The following SLC35F4 variants were observed in gnomAD, a reference collection of about 807,000 sequenced individuals.
SLC35F4 encodes chromosome 14 open reading frame 36.
A neutral mutation model predicts 44.2 loss-of-function variants in SLC35F4; 24 were observed. The observed-to-expected ratio is 0.54, with a 90% confidence interval of 0.39 to 0.76. The LOEUF (loss-of-function observed/expected upper bound fraction) is 0.76, where lower values mean the gene tolerates loss of function less well. SLC35F4 is among the 30% of genes least tolerant of loss of function. SLC35F4 has a pLI of 0.00. For synonymous variants in SLC35F4, 238 were observed against 223.6 expected, an observed-to-expected ratio of 1.06 and a Z score of -0.57; for missense variants, 562 against 586.1, an observed-to-expected ratio of 0.96 and a Z score of 0.42.
chr14:57,861,015 T>G (rs185924312), intron 1 of SLC35F4, among the ~76,000 whole-genome samples: 64 of 152,348 alleles, frequency 4.2e-4, no homozygotes, highest in African/African-American at 1.4e-3. Context: ...GCCTTTACTG[T>G]GTTAATGAAT....
At chr14:57,773,836 G>A (rs981681417) in intron 1 of SLC35F4, among the ~76,000 whole-genome samples, 35 of 152,222 alleles carry the variant, frequency 2.3e-4, no homozygotes, top group African/African-American at 8.2e-4. Flanking sequence ...ACTAACTCTA[G>A]GCCCTGAGAA....
At chr14:57,679,197 A>G (rs768580843) in intron 1 of SLC35F4, among the ~76,000 whole-genome samples, 1 of 152,154 alleles carries the variant, frequency 6.6e-6, no homozygotes, top group Non-Finnish European at 1.5e-5. Context: ...CTGCAATCAA[A>G]TTAGAACTCA....
At chr14:57,571,406 A>G (rs1160984282) in intron 5 of SLC35F4, among the ~76,000 whole-genome samples, 1 of 152,230 alleles carries the variant, frequency 6.6e-6, no homozygotes, top group East Asian at 1.9e-4. Flanking sequence ...TGGGGTTAAT[A>G]TGTGCCAAAC....
Position 57,602,991 on chromosome 14 carries a change from T to C in SLC35F4, c.104-8867A>G, listed in dbSNP as rs2070920823. 5.3e-5 allele frequency among the ~76,000 whole-genome samples: 8 copies of C among 152,220 alleles called. No homozygotes were observed. The South Asian group carries it at 1.7e-3, about 31-fold the overall frequency. ...TCCTAATTCCAGCTACCTCTTACCT[T>C]GTCCAGACCTAGAATCTGTCTACTC... On this transcript the variant is annotated intron_variant, in intron 1 of 7. Coordinates refer to ENST00000556826, the MANE Select transcript of SLC35F4 (RefSeq NM_001306087.2).
intron 1 of SLC35F4, among the ~76,000 whole-genome samples, chr14:57,895,150 G>A (rs1888845816): frequency 6.6e-6 from 1 of 152,072 alleles, no homozygotes; most frequent in African/African-American, 2.4e-5. Flanking sequence ...CAGCACTCAG[G>A]ATCTCGTTCT....
chr14:57,582,326 G>T (rs1259891206), intron 3 of SLC35F4, among the ~76,000 whole-genome samples: 1 of 152,116 alleles, frequency 6.6e-6, no homozygotes, highest in East Asian at 1.9e-4. Context: ...CTCCTGAGTA[G>T]CTGGGACTAC....
Position 57,697,581 on chromosome 14 carries a change from G to T in SLC35F4, c.104-103457C>A, listed in dbSNP as rs535571555. Among the ~76,000 whole-genome samples, 32 of 151,982 alleles carry T rather than the reference G, an allele frequency of 2.1e-4. 1 individual carries two copies. The South Asian group carries it at 6.6e-3, about 32-fold the overall frequency. On this transcript the variant is annotated intron_variant, in intron 1 of 7. Coordinates refer to ENST00000556826, the MANE Select transcript of SLC35F4 (RefSeq NM_001306087.2). ...CCAAGCATGGTGACATGCATCTCTA[G>T]TCCCAGCTACTTGGAAGGCTGAGGC...
At chr14:57,847,624 T>C (rs972831608) in intron 1 of SLC35F4, among the ~76,000 whole-genome samples, 1 of 152,188 alleles carries the variant, frequency 6.6e-6, no homozygotes, top group African/African-American at 2.4e-5. Flanking sequence ...TTTATTACAA[T>C]ATAACATACA....
chr14:57,575,512 AACTC>A (rs1876439531), intron 4 of SLC35F4, among the ~76,000 whole-genome samples: 2 of 152,116 alleles, frequency 1.3e-5, no homozygotes, highest in Admixed American at 1.3e-4. Context: ...GGAAAAAAAA[AACTC>A]ACCATTACCA....
At chr14:57,820,312 G>A (rs573098596) in intron 1 of SLC35F4, among the ~76,000 whole-genome samples, 61 of 152,184 alleles carry the variant, frequency 4.0e-4, no homozygotes, top group African/African-American at 1.3e-3. Flanking sequence ...ATTACTGATC[G>A]CTCTAAATAA....
At chr14:57,674,322 G>T (rs1199829792) in intron 1 of SLC35F4, among the ~76,000 whole-genome samples, 1 of 152,054 alleles carries the variant, frequency 6.6e-6, no homozygotes, top group African/African-American at 2.4e-5. Flanking sequence ...AAATAACACT[G>T]AACATAGGCC....
At chr14:57,597,450 C>G (rs537055344) in intron 1 of SLC35F4, among the ~76,000 whole-genome samples, 1 of 152,178 alleles carries the variant, frequency 6.6e-6, no homozygotes, top group Non-Finnish European at 1.5e-5. Flanking sequence ...TTATTAAGCA[C>G]CTATTATGGG....
At chr14:57,698,656 T>C (rs931785836) in intron 1 of SLC35F4, among the ~76,000 whole-genome samples, 1 of 151,692 alleles carries the variant, frequency 6.6e-6, no homozygotes, top group African/African-American at 2.4e-5. Context: ...TTTTTTTTTT[T>C]CAATGGAGTC....
chr14:57,566,641 C>G, intron 6 of SLC35F4, 77 bp from the exon 7 acceptor site: 1 of 1,388,558 alleles, frequency 7.2e-7, no homozygotes, highest in Non-Finnish European at 1.0e-6. Context: ...GTAAATGAAT[C>G]AATGTCTTTG....
chr14:57,675,487 A>C (rs2074662251), intron 1 of SLC35F4, among the ~76,000 whole-genome samples: 1 of 151,962 alleles, frequency 6.6e-6, no homozygotes, highest in African/African-American at 2.4e-5. Flanking sequence ...CCTCTTTTCC[A>C]ATTTAGATGC....
intron 1 of SLC35F4, among the ~76,000 whole-genome samples, chr14:57,641,856 A>G (rs973499877): frequency 2.0e-5 from 3 of 152,020 alleles, no homozygotes; most frequent in Admixed American, 1.3e-4. Flanking sequence ...GATGAATAGC[A>G]TAGTCTTAAG....
intron 1 of SLC35F4, among the ~76,000 whole-genome samples, chr14:57,641,502 C>G (rs1437895993): frequency 1.3e-5 from 2 of 151,932 alleles, no homozygotes; most frequent in Non-Finnish European, 2.9e-5. Flanking sequence ...CACTTTCTAG[C>G]TGAAGATTTG....
chr14:57,977,607 C>G (rs1191135945), intron 1 of SLC35F4, among the ~76,000 whole-genome samples: 1 of 152,192 alleles, frequency 6.6e-6, no homozygotes, highest in Non-Finnish European at 1.5e-5. Context: ...CATTCAGGAT[C>G]AAACTCAAGC....
intron 1 of SLC35F4, among the ~76,000 whole-genome samples, chr14:57,809,198 C>G (rs1425944013): frequency 2.0e-5 from 3 of 152,060 alleles, no homozygotes; most frequent in Non-Finnish European, 4.4e-5. Context: ...TCTGTGAAAC[C>G]AAGGCTTTGA....
Sources: gnomAD v4.1 joint callset for allele counts (sites outside exome capture counted in the v4.1 genomes callset) on GRCh38, gnomAD v4.1.1 for gene constraint, MANE v1.5 for transcripts, NCBI Gene and HGNC (gene_info 2026-07-23, HGNC 2026-07-21) for gene names.